The following RND3 variants were observed in gnomAD, a reference collection of about 807,000 sequenced individuals.
The protein encoded by RND3 is Rho family GTPase 3.
A neutral mutation model predicts 26.5 loss-of-function variants in RND3; 8 were observed. That is an observed-to-expected ratio of 0.30 (90% CI 0.18 to 0.54). RND3 has a LOEUF of 0.54. RND3 is among the 20% of genes least tolerant of loss of function. The pLI is 0.94. For synonymous variants in RND3, 113 were observed against 113.0 expected (o/e 1.00, Z 0.00); for missense variants, 207 against 302.8 (o/e 0.68, Z 2.35).
intron 3 of RND3, among the ~76,000 whole-genome samples, chr2:150,479,674 T>C (rs1338571980): frequency 1.3e-5 from 2 of 152,186 alleles, no homozygotes; most frequent in African/African-American, 4.8e-5. Flanking sequence ...TATTACAAGA[T>C]TGCATTTCCT....
In RND3 at chr2:150,486,576, T is replaced by G; in HGVS notation, c.238+118A>C. On this transcript the variant is annotated intron_variant, in intron 3 of 5. Transcript: ENST00000263895. The surrounding 1 kb of genome is among the most constrained non-coding windows in gnomAD (Gnocchi z 4.5). ...TACAATTTTCGCCCAACAGGGACCG[T>G]GGGAATCCCTTGGGAGGGGCGCAGA... 2 of 797,274 alleles carry G rather than the reference T, an allele frequency of 2.5e-6. No individual in the cohort carries two copies. Among genetic ancestry groups the G allele is most frequent in the Non-Finnish European group, 4.5e-6 (2 of 443,606 alleles). 49.4% of individuals were successfully genotyped at this position (797,274 alleles called of 1,614,324 possible).
At chr2:150,480,155 T>A (rs913063362) in intron 3 of RND3, among the ~76,000 whole-genome samples, 7 of 152,202 alleles carry the variant, frequency 4.6e-5, no homozygotes, top group African/African-American at 1.7e-4. Context: ...TATATGTATA[T>A]GAATATGCCT....
chr2:150,474,438 C>G (rs906388099), intron 4 of RND3, among the ~76,000 whole-genome samples: 3 of 152,174 alleles, frequency 2.0e-5, no homozygotes, highest in African/African-American at 7.2e-5. Flanking sequence ...ATTTCTGTTT[C>G]TAATAACACC....
chr2:150,482,327 A>G (rs1686287173), intron 3 of RND3, among the ~76,000 whole-genome samples: 1 of 152,220 alleles, frequency 6.6e-6, no homozygotes, highest in African/African-American at 2.4e-5. Context: ...CTACATTTCT[A>G]TTATTAGTAG....
rs1686091209 is a variant in RND3 at position 150,471,764 on chromosome 2, A to G, written c.349-3T>C. On this transcript the variant is annotated splice_region_variant and splice_polypyrimidine_tract_variant and intron_variant, in intron 4 of 5. Transcript: ENST00000263895. ...AATTCCTGGATTTCACCTTTCCACT[A>G]TGAAAGAAAAAAAAAAAAGATTAAA... 2 of 1,473,466 alleles carry G rather than the reference A, an allele frequency of 1.4e-6. No individual in the cohort carries two copies. Among genetic ancestry groups the G allele is most frequent in the Middle Eastern group, 1.7e-4 (1 of 5,760 alleles). 91.3% of individuals were successfully genotyped at this position (1,473,466 alleles called of 1,614,324 possible).
At chr2:150,474,750 C>G (rs1435041176) in intron 4 of RND3, 125 bp downstream of exon 4, 4 of 524,630 alleles carry the variant, frequency 7.6e-6, no homozygotes, top group Non-Finnish European at 1.4e-5. Flanking sequence ...AGGGTTCTTT[C>G]TAGTGTTTAA....
intron 4 of RND3, among the ~76,000 whole-genome samples, chr2:150,473,588 A>G (rs1051398788): frequency 2.0e-5 from 3 of 152,194 alleles, no homozygotes; most frequent in African/African-American, 7.2e-5. Context: ...TATTTGTGTT[A>G]GATATGTATT....
At chr2:150,477,809 C>T (rs1399086407) in intron 3 of RND3, among the ~76,000 whole-genome samples, 1 of 152,122 alleles carries the variant, frequency 6.6e-6, no homozygotes, top group Non-Finnish European at 1.5e-5. Flanking sequence ...GAGAAATAAA[C>T]CACCGTGCTT....
At chr2:150,472,425 T>A (rs1686102508) in intron 4 of RND3, among the ~76,000 whole-genome samples, 1 of 152,168 alleles carries the variant, frequency 6.6e-6, no homozygotes, top group Non-Finnish European at 1.5e-5. Flanking sequence ...TTCAAGTTAG[T>A]TTAAAACTAT....
intron 3 of RND3, among the ~76,000 whole-genome samples, chr2:150,478,728 C>T (rs926394560): frequency 6.6e-6 from 1 of 152,004 alleles, no homozygotes; most frequent in Non-Finnish European, 1.5e-5. Flanking sequence ...ACTTTAACTG[C>T]AGTACATGGT....
chr2:150,474,663 T>C (rs1686137479), intron 4 of RND3, among the ~76,000 whole-genome samples: 1 of 152,208 alleles, frequency 6.6e-6, no homozygotes, highest in African/African-American at 2.4e-5. Context: ...TTAAAAGGTA[T>C]TTTGTTTCAG....
At chr2:150,487,036 G>A in intron 2 of RND3, 1 of 602,288 alleles carries the variant, frequency 1.7e-6, no homozygotes, top group Non-Finnish European at 2.9e-6. Context: ...GAACGAACAA[G>A]TTTCAGGAGC....
intron 3 of RND3, among the ~76,000 whole-genome samples, chr2:150,480,863 G>T (rs1284684585): frequency 6.6e-6 from 1 of 152,158 alleles, no homozygotes; most frequent in East Asian, 1.9e-4. Context: ...GAGTTTCAGT[G>T]TGAAAACTCG....
At chr2:150,480,531 A>C (rs1686253918) in intron 3 of RND3, among the ~76,000 whole-genome samples, 1 of 152,222 alleles carries the variant, frequency 6.6e-6, no homozygotes, top group Non-Finnish European at 1.5e-5. Flanking sequence ...CATGCAAAAG[A>C]ACTGGATTAA....
chr2:150,469,697 T>G lies in RND3; in HGVS notation c.*290A>C. ...CCATTCAGAGTGTGATTTTTCTTCT[T>G]GGAGGTACTCGCATCCCCCCTCATC... On this transcript the variant is annotated 3_prime_UTR_variant, in exon 6 of 6. Coordinates refer to ENST00000263895, the MANE Select transcript of RND3 (RefSeq NM_005168.5). 1 of 356,860 alleles carries G rather than the reference T, an allele frequency of 2.8e-6. No homozygotes were observed. Among genetic ancestry groups the G allele is most frequent in the South Asian group, 6.1e-5 (1 of 16,472 alleles). The allele number at this position is 356,860 out of a possible 1,614,324, so 22.1% of individuals were successfully genotyped here. A position where few individuals can be genotyped will look rare whatever the true frequency, so the allele number is the denominator to read the frequency against.
chr2:150,472,682 T>C (rs1245085498), intron 4 of RND3, among the ~76,000 whole-genome samples: 2 of 152,160 alleles, frequency 1.3e-5, no homozygotes, highest in Admixed American at 6.6e-5. Context: ...GGCGCCTGAC[T>C]CTTCCCACCC....
intron 3 of RND3, among the ~76,000 whole-genome samples, chr2:150,481,483 T>C (rs1414642848): frequency 6.6e-6 from 1 of 152,174 alleles, no homozygotes; most frequent in African/African-American, 2.4e-5. Context: ...TTGATTTCTT[T>C]TGTTAGTTTG....
chr2:150,475,158 T>C (rs938209380), intron 3 of RND3, 174 bp from the exon 4 acceptor site: 1 of 538,086 alleles, frequency 1.9e-6, no homozygotes, highest in Non-Finnish European at 3.4e-6. Context: ...CTTAGAAATA[T>C]ATGATGAATG....
Position 150,468,276 on chromosome 2 carries a change from C to G in RND3, c.*1711G>C, listed in dbSNP as rs1169437808. ...AAATACTGCGGAAACATTGACCAAA[C>G]AAACATACACAGTGACTTCAACAGT... On this transcript the variant is annotated 3_prime_UTR_variant, in exon 6 of 6. Coordinates refer to ENST00000263895, the MANE Select transcript of RND3 (RefSeq NM_005168.5). The G allele has an allele frequency of 6.6e-6, 1 of 152,258 alleles. No individual in the cohort carries two copies. Among genetic ancestry groups the G allele is most frequent in the Non-Finnish European group, 1.5e-5 (1 of 67,944 alleles). 9.4% of individuals were successfully genotyped at this position (152,258 alleles called of 1,614,324 possible).
Sources: allele counts gnomAD v4.1 joint callset (sites outside exome capture counted in the v4.1 genomes callset), GRCh38; gene constraint gnomAD v4.1.1; non-coding constraint Gnocchi (gnomAD v3.1); transcripts MANE v1.5; gene names NCBI Gene and HGNC (gene_info 2026-07-23, HGNC 2026-07-21).